NTN4: variants seen among roughly 807,000 people sequenced by gnomAD.
NTN4 encodes netrin 4.
A neutral mutation model predicts 73.6 loss-of-function variants in NTN4; 32 were observed. The ratio of observed to expected loss-of-function variants is 0.44; its 90% CI spans 0.33 to 0.58. The LOEUF (loss-of-function observed/expected upper bound fraction) is 0.58, where lower values mean the gene tolerates loss of function less well. Ranked by LOEUF, NTN4 falls within the 20% of genes least tolerant of loss-of-function variation. The pLI is 0.04. For synonymous variants in NTN4, 258 were observed against 287.5 expected, an observed-to-expected ratio of 0.90 and a Z score of 1.04; for missense variants, 654 against 798.3, an observed-to-expected ratio of 0.82 and a Z score of 2.18.
chr12:95,698,139 G>A (rs2121043374), intron 5 of NTN4, among the ~76,000 whole-genome samples: 1 of 152,192 alleles, frequency 6.6e-6, no homozygotes, highest in Non-Finnish European at 1.5e-5. Flanking sequence ...GTATCCTCGG[G>A]GATCCTGGAA....
intron 7 of NTN4, among the ~76,000 whole-genome samples, chr12:95,680,246 C>T (rs1179239878): frequency 6.6e-6 from 1 of 152,148 alleles, no homozygotes; most frequent in Non-Finnish European, 1.5e-5. Flanking sequence ...GACAGAGGTA[C>T]TTAATAAATA....
At chr12:95,780,430 C>T (rs551653018) in intron 2 of NTN4, among the ~76,000 whole-genome samples, 2 of 152,240 alleles carry the variant, frequency 1.3e-5, no homozygotes, top group South Asian at 4.2e-4. Context: ...CCAGAATCTA[C>T]AAAGAACTCA....
At chr12:95,782,109 C>T (rs2079136977) in intron 2 of NTN4, among the ~76,000 whole-genome samples, 1 of 152,168 alleles carries the variant, frequency 6.6e-6, no homozygotes, top group African/African-American at 2.4e-5. Flanking sequence ...TTCTGATCCT[C>T]ATCCCCTGCC....
chr12:95,748,764 C>A (rs758514580), intron 2 of NTN4, among the ~76,000 whole-genome samples: 2 of 152,164 alleles, frequency 1.3e-5, no homozygotes, highest in Non-Finnish European at 2.9e-5. Context: ...AGCCACCATG[C>A]CTGGCCCTAT....
chr12:95,671,304 A>G (rs1050181803), intron 7 of NTN4, among the ~76,000 whole-genome samples: 22 of 152,166 alleles, frequency 1.4e-4, no homozygotes, highest in African/African-American at 5.3e-4. Context: ...CAGCCTGTAC[A>G]TAGTTTATAT....
At chr12:95,697,903 T>A (rs2078454309) in intron 5 of NTN4, among the ~76,000 whole-genome samples, 1 of 152,124 alleles carries the variant, frequency 6.6e-6, no homozygotes, top group South Asian at 2.1e-4. Context: ...ATCCATAGAA[T>A]CAACCCACTG....
At chr12:95,757,773 TAAA>T (rs10713128) in intron 2 of NTN4, among the ~76,000 whole-genome samples, 4,178 of 145,340 alleles carry the variant, frequency 0.029, 201 homozygotes, top group African/African-American at 0.1. Flanking sequence ...GAATGCAAAG[TAAA>T]AAAAAAAAAA....
intron 2 of NTN4, among the ~76,000 whole-genome samples, chr12:95,753,032 T>A (rs2078921875): frequency 6.6e-6 from 1 of 152,180 alleles, no homozygotes; most frequent in Non-Finnish European, 1.5e-5. Flanking sequence ...ACATTATTCC[T>A]GATACCACAC....
chr12:95,780,974 A>G (rs1014392181), intron 2 of NTN4, among the ~76,000 whole-genome samples: 1 of 152,212 alleles, frequency 6.6e-6, no homozygotes, highest in Non-Finnish European at 1.5e-5. Context: ...CAGCCATAAA[A>G]ATTGATGAGT....
At chr12:95,692,569 G>C (rs183467803) in intron 5 of NTN4, among the ~76,000 whole-genome samples, 1 of 152,302 alleles carries the variant, frequency 6.6e-6, no homozygotes, top group East Asian at 1.9e-4. Context: ...TTATAGAAAA[G>C]GAGGCAATGC....
intron 2 of NTN4, among the ~76,000 whole-genome samples, chr12:95,753,060 A>C (rs967764574): frequency 6.6e-6 from 1 of 151,902 alleles, no homozygotes; most frequent in African/African-American, 2.4e-5. Context: ...CCATGACTGT[A>C]TTTCTCTGAT....
At chr12:95,702,554 C>T (rs914882011) in intron 5 of NTN4, among the ~76,000 whole-genome samples, 1 of 152,064 alleles carries the variant, frequency 6.6e-6, no homozygotes, top group Non-Finnish European at 1.5e-5. Flanking sequence ...AAAGTGAAAA[C>T]ATACACAGCC....
intron 4 of NTN4, among the ~76,000 whole-genome samples, chr12:95,712,554 T>C (rs1307344633): frequency 6.6e-6 from 1 of 152,296 alleles, no homozygotes; most frequent in East Asian, 1.9e-4. Flanking sequence ...ATTCACCATC[T>C]CAGCAATGAG....
intron 5 of NTN4, among the ~76,000 whole-genome samples, chr12:95,693,539 C>T (rs975893671): frequency 6.6e-6 from 1 of 151,412 alleles, no homozygotes; most frequent in Non-Finnish European, 1.5e-5. Flanking sequence ...GAGACCAGCC[C>T]GAGAAACATG....
intron 2 of NTN4, among the ~76,000 whole-genome samples, chr12:95,775,039 T>C (rs2079081731): frequency 6.6e-6 from 1 of 152,230 alleles, no homozygotes; most frequent in Admixed American, 6.5e-5. Flanking sequence ...GGCTGCAGAT[T>C]ACTCATGAGT....
At chr12:95,661,112 TC>T (rs11349063) in intron 9 of NTN4, among the ~76,000 whole-genome samples, 8,658 of 152,066 alleles carry the variant, frequency 0.057, 427 homozygotes, top group East Asian at 0.27. Flanking sequence ...TCCATAGAAA[TC>T]CATAATTCCA....
At chr12:95,667,192 CTTT>C (rs771438926) in intron 8 of NTN4, among the ~76,000 whole-genome samples, 2 of 137,144 alleles carry the variant, frequency 1.5e-5, no homozygotes, top group African/African-American at 2.6e-5. Flanking sequence ...TAGGGAAGTT[CTTT>C]TTTTTTTTTT....
chr12:95,685,341 C>G (rs1592663927), intron 5 of NTN4, among the ~76,000 whole-genome samples: 2 of 152,218 alleles, frequency 1.3e-5, no homozygotes, highest in East Asian at 3.8e-4. Context: ...TCTTTTTCAT[C>G]TTCCCACTGC....
intron 3 of NTN4, among the ~76,000 whole-genome samples, chr12:95,735,209 A>G (rs543354701): frequency 1.1e-4 from 17 of 151,598 alleles, no homozygotes; most frequent in African/African-American, 4.1e-4. Flanking sequence ...CGTGGCTGCT[A>G]TTGGTCCAAT....
Sources: allele counts gnomAD v4.1 joint callset (sites outside exome capture counted in the v4.1 genomes callset), GRCh38; gene constraint gnomAD v4.1.1; transcripts MANE v1.5; gene names NCBI Gene and HGNC (gene_info 2026-07-23, HGNC 2026-07-21).